The following RPH3A variants were observed in gnomAD, a reference collection of about 807,000 sequenced individuals.
RPH3A encodes the protein rabphilin 3A.
Under a neutral mutation model 102.2 loss-of-function variants are expected in RPH3A, and 48 were observed. That is an observed-to-expected ratio of 0.47 (90% CI 0.37 to 0.60). The LOEUF is 0.60. Among genes scored for constraint, RPH3A ranks in the 20% least tolerant of loss-of-function variants. The probability of loss-of-function intolerance (pLI) is 0.00; values close to 1 mark genes in which losing one functional copy is unlikely to be tolerated. For synonymous variants in RPH3A, 310 were observed against 324.3 expected (o/e 0.96, Z 0.47); for missense variants, 781 against 910.1 (o/e 0.86, Z 1.83).
chr12:112,807,335 A>G (rs751529888), intron 2 of RPH3A, among the ~76,000 whole-genome samples: 1 of 152,132 alleles, frequency 6.6e-6, no homozygotes, highest in Non-Finnish European at 1.5e-5. Flanking sequence ...TCTTCACAGC[A>G]CCAACTACCT....
chr12:112,675,109 C>T (rs2040165137), intron 1 of RPH3A, among the ~76,000 whole-genome samples: 1 of 152,166 alleles, frequency 6.6e-6, no homozygotes, highest in Admixed American at 6.5e-5. Flanking sequence ...TAAAACCAGG[C>T]AGGTTTCATG....
Position 112,739,741 on chromosome 12 carries a change from C to T in RPH3A, c.-139-52402C>T, listed in dbSNP as rs562351316. On this transcript the variant is annotated intron_variant, in intron 1 of 21. Transcript: ENST00000543106. The stretch of plus-strand genomic sequence containing the variant: ...ACATCCCTACAGCCCACATCTTCCA[C>T]ACTTCTTTGTCACTTGGCTTCCTGC... 9.8e-5 allele frequency among the ~76,000 whole-genome samples: 15 copies of T among 152,348 alleles called. No individual in the cohort carries two copies. In the East Asian group the frequency reaches 2.7e-3, roughly 27 times the overall value.
chr12:112,850,932 C>G (rs183155329), intron 5 of RPH3A: 1 of 152,326 alleles, frequency 6.6e-6, no homozygotes, highest in Non-Finnish European at 1.5e-5. Flanking sequence ...GCCTCACACC[C>G]TATTGCTGGC....
At chr12:112,724,372 T>C (rs2040572698) in intron 1 of RPH3A, among the ~76,000 whole-genome samples, 1 of 152,178 alleles carries the variant, frequency 6.6e-6, no homozygotes, top group South Asian at 2.1e-4. Flanking sequence ...GCCAATATTT[T>C]TTTAATATTT....
intron 1 of RPH3A, among the ~76,000 whole-genome samples, chr12:112,712,951 C>CTTCTTCTTCTTCTTCTTT (rs2040479564): frequency 9.0e-6 from 1 of 110,890 alleles, no homozygotes; most frequent in Non-Finnish European, 2.0e-5. Context: ...TCTTCTTCTT[C>CTTCTTCTTCTTCTTCTTT]TTCTTCTTCT....
At chr12:112,592,899 G>T (rs909709764) in intron 1 of RPH3A, among the ~76,000 whole-genome samples, 1 of 152,222 alleles carries the variant, frequency 6.6e-6, no homozygotes, top group Admixed American at 6.5e-5. Flanking sequence ...GGGAAAGCCT[G>T]TGTGAGTTTT....
At chr12:112,811,107 A>AG (rs1313135841) in intron 2 of RPH3A, among the ~76,000 whole-genome samples, 3 of 152,214 alleles carry the variant, frequency 2.0e-5, no homozygotes, top group Admixed American at 2.0e-4. Context: ...GGAGAAATAC[A>AG]GGGTTAGGTT....
At chr12:112,638,245 A>C (rs2039861755) in intron 1 of RPH3A, among the ~76,000 whole-genome samples, 1 of 152,154 alleles carries the variant, frequency 6.6e-6, no homozygotes, top group Non-Finnish European at 1.5e-5. Flanking sequence ...AAACAACCTG[A>C]GGCTTTCACC....
In RPH3A at chr12:112,651,523, C is replaced by T. The variant is rs181949114; in HGVS notation, c.-140+76204C>T. The stretch of plus-strand genomic sequence containing the variant: ...GTGAGTTCTATAGATCTGTCTCACT[C>T]TTGCTACAGGAGACTTCAAATGCCG... On this transcript the variant is annotated intron_variant, in intron 1 of 21. Coordinates refer to the RPH3A transcript ENST00000543106. 1.1e-4 allele frequency among the ~76,000 whole-genome samples: 16 copies of T among 152,298 alleles called. No individual in the cohort carries two copies. In the East Asian group the frequency reaches 2.9e-3, roughly 28 times the overall value.
intron 1 of RPH3A, among the ~76,000 whole-genome samples, chr12:112,774,487 T>G (rs1352310627): frequency 6.6e-6 from 1 of 152,244 alleles, no homozygotes; most frequent in African/African-American, 2.4e-5. Flanking sequence ...TTCCCTGGTT[T>G]GTGACTCTCT....
chr12:112,849,869 A>G (rs1008915440), intron 5 of RPH3A, among the ~76,000 whole-genome samples: 25 of 152,330 alleles, frequency 1.6e-4, no homozygotes, highest in African/African-American at 6.0e-4. Flanking sequence ...GTCAGATACT[A>G]TTCCTTGTCC....
intron 1 of RPH3A, among the ~76,000 whole-genome samples, chr12:112,749,293 G>A (rs1265903951): frequency 6.6e-6 from 1 of 152,186 alleles, no homozygotes; most frequent in Admixed American, 6.5e-5. Flanking sequence ...AGTGTTCTGG[G>A]ATGTGGGCAG....
intron 1 of RPH3A, among the ~76,000 whole-genome samples, chr12:112,654,726 G>A (rs746705359): frequency 6.6e-6 from 1 of 152,186 alleles, no homozygotes; most frequent in Non-Finnish European, 1.5e-5. Context: ...TTCCTCAGTT[G>A]CAGCGGTAGG....
intron 1 of RPH3A, among the ~76,000 whole-genome samples, chr12:112,595,840 A>T (rs1467662934): frequency 6.6e-6 from 1 of 152,224 alleles, no homozygotes; most frequent in Non-Finnish European, 1.5e-5. Context: ...CAACCACACG[A>T]TACCAATGCT....
At position 112,584,411 on chromosome 12, in the gene RPH3A, A is replaced by C. The variant is rs552945184; in HGVS notation, c.-140+9092A>C. 5.3e-5 allele frequency among the ~76,000 whole-genome samples: 8 copies of C among 152,238 alleles called. No individual in the cohort carries two copies. In the South Asian group the frequency reaches 1.7e-3, roughly 32 times the overall value. ...GGGCCCCGGAAGTTGCTGAGTTTTC[A>C]GATATTTGAGCCTGAACTAACACCT... On this transcript the variant is annotated intron_variant, in intron 1 of 21. Coordinates refer to the RPH3A transcript ENST00000543106.
At chr12:112,708,558 C>A (rs1415017296) in intron 1 of RPH3A, among the ~76,000 whole-genome samples, 1 of 152,116 alleles carries the variant, frequency 6.6e-6, no homozygotes, top group Non-Finnish European at 1.5e-5. Context: ...TGGTGGGGAG[C>A]AAAGCAGTGG....
intron 4 of RPH3A, among the ~76,000 whole-genome samples, chr12:112,846,607 G>C (rs1310025523): frequency 1.3e-5 from 2 of 152,250 alleles, no homozygotes; most frequent in African/African-American, 2.4e-5. Context: ...GATTAGGCCA[G>C]CAGAAGGGAC....
intron 21 of RPH3A, among the ~76,000 whole-genome samples, 191 bp from the exon 22 acceptor site, chr12:112,896,459 T>A (rs1340485900): frequency 6.6e-6 from 1 of 152,120 alleles, no homozygotes; most frequent in East Asian, 1.9e-4. Context: ...CCATTGCAGG[T>A]TCTTGAGGCA....
intron 1 of RPH3A, among the ~76,000 whole-genome samples, chr12:112,747,904 G>A (rs566882083): frequency 2.6e-5 from 4 of 152,278 alleles, no homozygotes; most frequent in South Asian, 2.1e-4. Flanking sequence ...CATCCTCAAC[G>A]CCTGGCAGCC....
Sources: allele counts gnomAD v4.1 joint callset (sites outside exome capture counted in the v4.1 genomes callset), GRCh38; gene constraint gnomAD v4.1.1; transcripts MANE v1.5; gene names NCBI Gene and HGNC (gene_info 2026-07-23, HGNC 2026-07-21).